Variants in RIC1 observed in about 807,000 individuals in gnomAD.
The protein encoded by RIC1 is guanine nucleotide exchange factor subunit RIC1.
Under a neutral mutation model 169.0 loss-of-function variants are expected in RIC1, and 88 were observed. The ratio of observed to expected loss-of-function variants is 0.52; its 90% CI spans 0.44 to 0.62. The LOEUF is 0.62. Ranked by LOEUF, RIC1 falls within the 20% of genes least tolerant of loss-of-function variation. The pLI, the probability that RIC1 is intolerant of heterozygous loss-of-function variation, is 0.00. For synonymous variants in RIC1, 790 were observed against 601.5 expected (o/e 1.31, Z -4.59); for missense variants, 1,877 against 1,725.5 (o/e 1.09, Z -1.56).
At chr9:5,676,333 T>G (rs745588467) in intron 2 of RIC1, among the ~76,000 whole-genome samples, 2 of 152,244 alleles carry the variant, frequency 1.3e-5, no homozygotes, top group Non-Finnish European at 2.9e-5. Context: ...TGAAATATAT[T>G]GAATATGAAT....
chr9:5,721,951 C>T (rs547469632), intron 6 of RIC1, among the ~76,000 whole-genome samples: 113 of 151,136 alleles, frequency 7.5e-4, no homozygotes, highest in African/African-American at 2.2e-3. Context: ...TGCAGTGGCA[C>T]GATCTCGGCT....
At chr9:5,769,403 A>C in intron 22 of RIC1, 147 bp downstream of exon 22, 2 of 1,573,638 alleles carry the variant, frequency 1.3e-6, no homozygotes, top group Non-Finnish European at 1.7e-6. Flanking sequence ...CATGAGTTGG[A>C]ATGCCCACTG....
chr9:5,632,793 G>A (rs1359337270), intron 1 of RIC1, among the ~76,000 whole-genome samples: 1 of 152,066 alleles, frequency 6.6e-6, no homozygotes, highest in African/African-American at 2.4e-5. Flanking sequence ...TGTACTGAGG[G>A]CCCAGAATTA....
intron 3 of RIC1, among the ~76,000 whole-genome samples, chr9:5,690,533 A>G (rs1821533409): frequency 6.6e-6 from 1 of 151,382 alleles, no homozygotes; most frequent in Non-Finnish European, 1.5e-5. Context: ...AACTTTTGAA[A>G]TAAAAGAACA....
intron 8 of RIC1, among the ~76,000 whole-genome samples, chr9:5,741,996 C>T (rs1490299781): frequency 1.3e-5 from 2 of 152,170 alleles, no homozygotes; most frequent in Admixed American, 6.6e-5. Flanking sequence ...ATTGTATTCT[C>T]TGTTTGAACC....
At chr9:5,762,739 G>C (rs1343084447) in intron 18 of RIC1, 79 bp downstream of exon 18, 6 of 1,495,462 alleles carry the variant, frequency 4.0e-6, no homozygotes, top group Middle Eastern at 1.8e-4. Context: ...CAATTTAAGA[G>C]AAGAGTATTT....
At chr9:5,648,446 C>A (rs551311907) in intron 1 of RIC1, among the ~76,000 whole-genome samples, 1 of 152,226 alleles carries the variant, frequency 6.6e-6, no homozygotes, top group Admixed American at 6.5e-5. Flanking sequence ...TAGGTTGATT[C>A]CATATCTTTG....
At chr9:5,669,579 T>C (rs1024706170) in intron 2 of RIC1, among the ~76,000 whole-genome samples, 1 of 152,244 alleles carries the variant, frequency 6.6e-6, no homozygotes, top group African/African-American at 2.4e-5. Context: ...ACATCAAAAT[T>C]CAGCAGATGT....
At chr9:5,698,726 T>G (rs1292307572) in intron 3 of RIC1, among the ~76,000 whole-genome samples, 2 of 152,180 alleles carry the variant, frequency 1.3e-5, no homozygotes, top group Non-Finnish European at 2.9e-5. Context: ...TTGCTTTCTG[T>G]GCTGTGTGTC....
intron 8 of RIC1, among the ~76,000 whole-genome samples, chr9:5,740,441 G>A (rs1013005280): frequency 6.6e-6 from 1 of 151,608 alleles, no homozygotes; most frequent in Non-Finnish European, 1.5e-5. Flanking sequence ...GTTCTCTAGG[G>A]GACAGAACTA....
At chr9:5,691,650 T>G (rs1419388754) in intron 3 of RIC1, among the ~76,000 whole-genome samples, 1 of 151,936 alleles carries the variant, frequency 6.6e-6, no homozygotes, top group Non-Finnish European at 1.5e-5. Context: ...AAGTGATAAT[T>G]TTGTGATTCT....
chr9:5,700,173 A>T (rs561071883), intron 3 of RIC1, among the ~76,000 whole-genome samples: 1 of 152,172 alleles, frequency 6.6e-6, no homozygotes, highest in Admixed American at 6.5e-5. Context: ...TGATTAACCA[A>T]TACTGAGCTG....
At chr9:5,741,351 G>C (rs1396053312) in intron 8 of RIC1, among the ~76,000 whole-genome samples, 2 of 152,164 alleles carry the variant, frequency 1.3e-5, no homozygotes, top group African/African-American at 4.8e-5. Context: ...AGGCTTGCTG[G>C]ATGAAGATTT....
chr9:5,739,106 C>T (rs1162051330), intron 8 of RIC1, among the ~76,000 whole-genome samples: 6 of 152,102 alleles, frequency 3.9e-5, no homozygotes, highest in Non-Finnish European at 8.8e-5. Flanking sequence ...TGCAAGGCAT[C>T]AGTCAAGGGT....
chr9:5,640,342 A>C (rs758173427), intron 1 of RIC1, among the ~76,000 whole-genome samples: 18 of 152,204 alleles, frequency 1.2e-4, no homozygotes, highest in Non-Finnish European at 1.8e-4. Flanking sequence ...AACACACACA[A>C]AGTGTTTAAA....
chr9:5,630,931 T>C (rs181628593), intron 1 of RIC1, among the ~76,000 whole-genome samples: 1 of 152,358 alleles, frequency 6.6e-6, no homozygotes. Flanking sequence ...ATTTAAATTG[T>C]CTTTTGAATT....
intron 3 of RIC1, among the ~76,000 whole-genome samples, chr9:5,702,381 A>G (rs1476000060): frequency 6.6e-6 from 1 of 152,200 alleles, no homozygotes; most frequent in Non-Finnish European, 1.5e-5. Flanking sequence ...GCTATACAGG[A>G]AGAATGGCTG....
At chr9:5,632,966 A>G (rs1817790525) in intron 1 of RIC1, among the ~76,000 whole-genome samples, 3 of 152,170 alleles carry the variant, frequency 2.0e-5, no homozygotes, top group African/African-American at 2.4e-5. Context: ...TTGAACATCA[A>G]CTGTAAAAGA....
In RIC1 at chr9:5,770,215, G is replaced by C. The variant is rs749128821; in HGVS notation, c.3553G>C (p.Asp1185His). The C allele has an allele frequency of 7.4e-6, 12 of 1,613,882 alleles. No homozygotes were observed. Among genetic ancestry groups the C allele is most frequent in the South Asian group, 5.5e-5 (5 of 91,084 alleles). Residue 1185 changes from aspartate (D) to histidine (H), a missense_variant, in exon 23 of 26, where the codon GAC becomes CAC. Transcript: ENST00000414202. The stretch of plus-strand genomic sequence containing the variant: ...CATTGGCCCCACCCATCATGAGATA[G>C]ACACAGCTTCATCCCATGGACCACA... ...SNIGPTHHEI[D>H]TASSHGPQMQ...
Sources: allele counts gnomAD v4.1 joint callset (sites outside exome capture counted in the v4.1 genomes callset), GRCh38; gene constraint gnomAD v4.1.1; transcripts MANE v1.5; gene names NCBI Gene and HGNC (gene_info 2026-07-23, HGNC 2026-07-21).